Variants in SEMA3D observed in about 807,000 individuals in gnomAD.
SEMA3D encodes semaphorin 3D.
In SEMA3D, 84 loss-of-function variants were observed where a neutral mutation model predicts 100.1. The observed-to-expected ratio is 0.84, with a 90% CI of 0.70 to 1.01. SEMA3D has a LOEUF of 1.01. Among genes scored for constraint, SEMA3D ranks in the 50% least tolerant of loss-of-function variants. SEMA3D has a pLI of 0.00. For missense variants in SEMA3D, 875 were observed against 934.1 expected (o/e 0.94, Z 0.82); for synonymous variants, 312 against 320.7 (o/e 0.97, Z 0.29).
chr7:85,231,078 T>C, the SEMA3D span, among the ~76,000 whole-genome samples: 10 of 152,310 alleles, frequency 6.6e-5, no homozygotes, highest in Admixed American at 5.2e-4. Flanking sequence ...TCTTTTCTAG[T>C]TCTCTCAGTG....
chr7:85,241,467 G>GTATATATATA, the SEMA3D span, among the ~76,000 whole-genome samples: 222 of 91,972 alleles, frequency 2.4e-3, 15 homozygotes, highest in African/African-American at 0.011. Context: ...CTGTGTGTGT[G>GTATATATATA]TATATATATA....
chr7:85,110,896 G>C (rs954385349), intron 3 of SEMA3D, among the ~76,000 whole-genome samples: 1 of 151,846 alleles, frequency 6.6e-6, no homozygotes, highest in South Asian at 2.1e-4. Context: ...CATCTTAATC[G>C]GGCTTTGGCT....
chr7:85,062,804 T>A lies in SEMA3D; in HGVS notation c.718+2620A>T, dbSNP rs1791513383. On this transcript the variant is annotated intron_variant, in intron 8 of 18. Transcript: ENST00000284136. ...ATAAATTATTTTTGAGGCCACTTAG[T>A]TACAGGAAAAGGTTGGAAATACAAT... is the stretch of plus-strand genomic sequence containing the variant. Among the ~76,000 whole-genome samples, 4 of 152,122 alleles carry A rather than the reference T, an allele frequency of 2.6e-5. No individual in the cohort carries two copies. In the South Asian group the frequency reaches 8.3e-4, roughly 32 times the overall value.
chr7:85,233,489 T>A, the SEMA3D span, among the ~76,000 whole-genome samples: 1 of 152,226 alleles, frequency 6.6e-6, no homozygotes, highest in Non-Finnish European at 1.5e-5. Flanking sequence ...TTAGGCTAGA[T>A]AATCTCATGA....
intron 2 of SEMA3D, among the ~76,000 whole-genome samples, chr7:85,149,165 C>T (rs189507931): frequency 2.2e-4 from 34 of 152,108 alleles, no homozygotes; most frequent in African/African-American, 7.2e-4. Context: ...TAACACTTGG[C>T]CAGGCGTGGT....
rs1790886474 is a variant in SEMA3D, at chr7:85,042,289, A to C, written c.862-4T>G. ...TGCGTTGTCCTCCTACATCATTCTG[A>C]CATGAAAAAAAAAATAAAGATAAAT... is the stretch of plus-strand genomic sequence containing the variant. On this transcript the variant is annotated splice_polypyrimidine_tract_variant and splice_region_variant and intron_variant, in intron 9 of 18. Transcript: ENST00000284136. 1.9e-6 allele frequency: 3 copies of C among 1,580,022 alleles called. No homozygotes were observed.
intron 4 of SEMA3D, among the ~76,000 whole-genome samples, chr7:85,096,103 AGCT>A (rs1485479503): frequency 4.7e-4 from 71 of 152,094 alleles, no homozygotes; most frequent in African/African-American, 1.7e-3. Flanking sequence ...ATGCCTTTTA[AGCT>A]ATGCAGCATC....
the SEMA3D span, among the ~76,000 whole-genome samples, chr7:85,199,312 A>T: frequency 1.5e-5 from 2 of 136,316 alleles, no homozygotes; most frequent in Admixed American, 7.1e-5. Context: ...CTTTAACATT[A>T]TCGTTATTAT....
chr7:85,150,637 C>T lies in SEMA3D; in HGVS notation c.-41+2971G>A, dbSNP rs758858020. On this transcript the variant is annotated intron_variant, in intron 2 of 18. Transcript: ENST00000284136. ...AATGTACTAATCAATTTACTGCTTA[C>T]ATCTTAATGTTCATTTTAACTCCTT... Among the ~76,000 whole-genome samples the T allele has an allele frequency of 2.6e-5, 4 of 151,630 alleles. No homozygotes were observed. The South Asian group carries it at 8.3e-4, about 31-fold the overall frequency.
At chr7:85,234,322 T>C in the SEMA3D span, among the ~76,000 whole-genome samples, 1 of 152,178 alleles carries the variant, frequency 6.6e-6, no homozygotes, top group Non-Finnish European at 1.5e-5. Context: ...GCACCTTCAG[T>C]AAAGTGCTGG....
At chr7:85,065,638 C>G in intron 7 of SEMA3D, 86 bp from the exon 8 acceptor site, 2 of 971,434 alleles carry the variant, frequency 2.1e-6, no homozygotes, top group Non-Finnish European at 3.1e-6. Flanking sequence ...AGCATGACAC[C>G]AAAGATGTTT....
chr7:85,129,010 G>T (rs1327249638), intron 2 of SEMA3D, among the ~76,000 whole-genome samples: 1 of 150,834 alleles, frequency 6.6e-6, no homozygotes. Flanking sequence ...ACCTGCCTTG[G>T]CTTCCTGAGG....
At chr7:85,113,057 TC>T (rs544021206) in intron 3 of SEMA3D, among the ~76,000 whole-genome samples, 13 of 152,120 alleles carry the variant, frequency 8.5e-5, no homozygotes, top group Non-Finnish European at 1.8e-4. Flanking sequence ...AGTATAAATA[TC>T]CCCAACACAT....
the SEMA3D span, among the ~76,000 whole-genome samples, chr7:85,228,527 C>T: frequency 1.3e-5 from 2 of 152,080 alleles, no homozygotes; most frequent in African/African-American, 2.4e-5. Context: ...CTGGAAATCT[C>T]ATCAGATAAC....
intron 13 of SEMA3D, 47 bp downstream of exon 13, chr7:85,022,344 T>C (rs371434301): frequency 5.0e-5 from 64 of 1,287,292 alleles, no homozygotes; most frequent in Middle Eastern, 1.9e-4. Flanking sequence ...CTTTGTCTAA[T>C]AATGAAAAAT....
chr7:85,146,536 A>G (rs1790209320), intron 2 of SEMA3D, among the ~76,000 whole-genome samples: 1 of 149,914 alleles, frequency 6.7e-6, no homozygotes, highest in East Asian at 2.0e-4. Flanking sequence ...CCTGGGTGAC[A>G]GAGTGAGACT....
At chr7:85,145,138 G>A (rs1790165036) in intron 2 of SEMA3D, among the ~76,000 whole-genome samples, 1 of 152,060 alleles carries the variant, frequency 6.6e-6, no homozygotes, top group African/African-American at 2.4e-5. Flanking sequence ...TGCCATTCAA[G>A]TATGGGAATC....
At chr7:85,018,137 T>C in intron 15 of SEMA3D, 115 bp downstream of exon 15, 2 of 728,574 alleles carry the variant, frequency 2.7e-6, no homozygotes, top group Non-Finnish European at 2.4e-6. Context: ...ACAAATAATG[T>C]TTTAAATTTC....
intron 1 of SEMA3D, among the ~76,000 whole-genome samples, chr7:85,167,937 T>A (rs1790955668): frequency 6.6e-6 from 1 of 151,812 alleles, no homozygotes; most frequent in Admixed American, 6.6e-5. Flanking sequence ...TAGAAAATGG[T>A]AATACTTTAG....
Sources: gnomAD v4.1 joint callset for allele counts (sites outside exome capture counted in the v4.1 genomes callset) on GRCh38, gnomAD v4.1.1 for gene constraint, MANE v1.5 for transcripts, NCBI Gene and HGNC (gene_info 2026-07-23, HGNC 2026-07-21) for gene names.